Variants in WDR7 observed in about 807,000 individuals in gnomAD.
WDR7 encodes the protein WD repeat-containing protein 7.
Under a neutral mutation model 169.4 loss-of-function variants are expected in WDR7, and 46 were observed. That is an observed-to-expected ratio of 0.27 (90% CI 0.21 to 0.35). The LOEUF is 0.35. Among genes scored for constraint, WDR7 ranks in the 10% least tolerant of loss-of-function variants. WDR7 has a pLI of 1.00. For missense variants in WDR7, 1,534 were observed against 1,859.3 expected, an observed-to-expected ratio of 0.83 and a Z score of 3.22; for synonymous variants, 612 against 666.8, an observed-to-expected ratio of 0.92 and a Z score of 1.27.
At chr18:56,915,720 T>C (rs1352427162) in intron 21 of WDR7, among the ~76,000 whole-genome samples, 2 of 152,174 alleles carry the variant, frequency 1.3e-5, no homozygotes, top group African/African-American at 4.8e-5. Flanking sequence ...GTTTGAAAAA[T>C]TCTCTAAAAC....
At chr18:56,937,894 A>G (rs2046981197) in intron 23 of WDR7, among the ~76,000 whole-genome samples, 2 of 152,226 alleles carry the variant, frequency 1.3e-5, no homozygotes, top group South Asian at 2.1e-4. Context: ...CATATTTTGT[A>G]TGTTATATAT....
At chr18:56,677,685 A>G (rs1459074270) in intron 2 of WDR7, among the ~76,000 whole-genome samples, 8 of 152,176 alleles carry the variant, frequency 5.3e-5, no homozygotes, top group Non-Finnish European at 1.0e-4. Flanking sequence ...TTTGGCTTTT[A>G]GGATTCTTTC....
chr18:56,991,794 G>A (rs531273278), intron 26 of WDR7, among the ~76,000 whole-genome samples: 1 of 152,338 alleles, frequency 6.6e-6, no homozygotes, highest in South Asian at 2.1e-4. Flanking sequence ...TTTAAAATGT[G>A]ATCCCAGCGA....
chr18:56,919,952 A>T (rs1280836292), intron 21 of WDR7, among the ~76,000 whole-genome samples: 2 of 152,168 alleles, frequency 1.3e-5, no homozygotes, highest in Non-Finnish European at 2.9e-5. Context: ...TATCACCAGA[A>T]TAAACAAATT....
At chr18:56,711,652 C>A (rs997979063) in intron 12 of WDR7, among the ~76,000 whole-genome samples, 1 of 151,866 alleles carries the variant, frequency 6.6e-6, no homozygotes, top group Non-Finnish European at 1.5e-5. Flanking sequence ...TTGGCTGGAC[C>A]ATATGGCCTT....
intron 19 of WDR7, among the ~76,000 whole-genome samples, chr18:56,804,694 G>T (rs2044738611): frequency 6.6e-6 from 1 of 152,196 alleles, no homozygotes; most frequent in Non-Finnish European, 1.5e-5. Flanking sequence ...TACTGTGTTA[G>T]ACAATCTAAG....
chr18:56,859,039 T>C (rs1324748255), intron 20 of WDR7, among the ~76,000 whole-genome samples: 2 of 152,008 alleles, frequency 1.3e-5, no homozygotes, highest in East Asian at 3.9e-4. Context: ...TCTGCTGTGG[T>C]TTATTCTTTA....
At chr18:56,697,931 A>G (rs760410221) in intron 12 of WDR7, among the ~76,000 whole-genome samples, 46 of 152,202 alleles carry the variant, frequency 3.0e-4, no homozygotes, top group Middle Eastern at 3.4e-3. Context: ...CGATGGCTCA[A>G]GCCTGTAATC....
intron 26 of WDR7, among the ~76,000 whole-genome samples, chr18:56,994,590 C>T (rs2047870293): frequency 6.6e-6 from 1 of 152,144 alleles, no homozygotes; most frequent in Non-Finnish European, 1.5e-5. Flanking sequence ...AATTTAATTG[C>T]AAACTCTTAT....
At chr18:56,829,266 AAAT>A (rs1211323899) in intron 20 of WDR7, among the ~76,000 whole-genome samples, 1 of 151,872 alleles carries the variant, frequency 6.6e-6, no homozygotes, top group East Asian at 1.9e-4. Flanking sequence ...TAAAAAAAAA[AAAT>A]AATAAACAAA....
intron 16 of WDR7, among the ~76,000 whole-genome samples, chr18:56,771,237 T>G (rs901311210): frequency 1.3e-5 from 2 of 152,242 alleles, no homozygotes; most frequent in Admixed American, 6.5e-5. Flanking sequence ...TCCAAATACA[T>G]CTCTGTTTCA....
At chr18:56,807,660 TGA>T (rs2044798446) in intron 19 of WDR7, among the ~76,000 whole-genome samples, 3 of 147,464 alleles carry the variant, frequency 2.0e-5, no homozygotes, top group African/African-American at 7.5e-5. Context: ...ACATTTTATA[TGA>T]GAGCAGTTTT....
At chr18:56,809,156 GT>G (rs1261594924) in intron 19 of WDR7, among the ~76,000 whole-genome samples, 2 of 151,910 alleles carry the variant, frequency 1.3e-5, no homozygotes, top group Non-Finnish European at 2.9e-5. Flanking sequence ...ATGTACATTG[GT>G]TTTTTATTTT....
At chr18:56,892,627 A>G (rs1338610045) in intron 21 of WDR7, among the ~76,000 whole-genome samples, 1 of 152,142 alleles carries the variant, frequency 6.6e-6, no homozygotes, top group Non-Finnish European at 1.5e-5. Context: ...AGTAGTTGCT[A>G]TAGAAATCGT....
chr18:56,710,003 G>GT (rs74182155), intron 12 of WDR7, among the ~76,000 whole-genome samples: 24,284 of 128,540 alleles, frequency 0.19, 4,020 homozygotes, highest in East Asian at 0.43. Flanking sequence ...TATATATATA[G>GT]TTGTTTTTTT....
Position 56,878,343 on chromosome 18 carries a change from G to A in WDR7, c.3305-1601G>A, listed in dbSNP as rs75163940. On this transcript the variant is annotated intron_variant, in intron 20 of 27. Transcript: ENST00000254442. ...TGAAATAATCATCCTTCTCCTCCTC[G>A]TATGGCCCATCCCTCTTATTGCCTG... is the stretch of plus-strand genomic sequence containing the variant. Among the ~76,000 whole-genome samples the A allele has an allele frequency of 1.5e-4, 23 of 151,936 alleles. No homozygotes were observed. The South Asian group carries it at 1.7e-3, about 11-fold the overall frequency.
rs143552069 is a variant in WDR7 at position 56,896,469 on chromosome 18, G to C, written c.3526+16304G>C. Among the ~76,000 whole-genome samples, 11 of 151,956 alleles carry C rather than the reference G, an allele frequency of 7.2e-5. No individual in the cohort carries two copies. The East Asian group carries it at 2.1e-3, about 29-fold the overall frequency. On this transcript the variant is annotated intron_variant, in intron 21 of 27. Coordinates refer to ENST00000254442, the MANE Select transcript of WDR7 (RefSeq NM_015285.3). ...CTAAATTTATTGTAATTATTACATT[G>C]TTACCTTGGTGCAGGAGAGACCAGC...
At position 56,828,700 on chromosome 18, in the gene WDR7, T is replaced by G. The variant is rs577150227; in HGVS notation, c.3304+12556T>G. Among the ~76,000 whole-genome samples, 41 of 152,296 alleles carry G rather than the reference T, an allele frequency of 2.7e-4. No individual in the cohort carries two copies. In the South Asian group the frequency reaches 3.7e-3, roughly 14 times the overall value. The stretch of plus-strand genomic sequence containing the variant: ...AACTCTCATACTTGCAAAGGATGGT[T>G]TGTCATCAGCTCAGTTTTTAAGAGG... On this transcript the variant is annotated intron_variant, in intron 20 of 27. Transcript: ENST00000254442.
chr18:56,969,465 G>A (rs950137977), intron 26 of WDR7, among the ~76,000 whole-genome samples: 2 of 152,160 alleles, frequency 1.3e-5, no homozygotes, highest in Non-Finnish European at 2.9e-5. Flanking sequence ...TACACAGGAA[G>A]CATTCAGAAA....
Sources: allele counts gnomAD v4.1 joint callset (sites outside exome capture counted in the v4.1 genomes callset), GRCh38; gene constraint gnomAD v4.1.1; transcripts MANE v1.5; gene names NCBI Gene and HGNC (gene_info 2026-07-23, HGNC 2026-07-21).